Variants in MED27 observed in about 807,000 individuals in gnomAD.
MED27 encodes mediator of RNA polymerase II transcription subunit 27.
In MED27, 30 loss-of-function variants were observed where a neutral mutation model predicts 38.2. That is an observed-to-expected ratio of 0.79 (90% CI 0.59 to 1.07). The LOEUF (loss-of-function observed/expected upper bound fraction) is 1.07. Ranked by LOEUF, MED27 falls within the 50% of genes least tolerant of loss-of-function variation. MED27 has a pLI of 0.00. For missense variants in MED27, 289 were observed against 397.5 expected (o/e 0.73, Z 2.32); for synonymous variants, 122 against 153.5 (o/e 0.79, Z 1.52).
At chr9:131,900,231 C>G (rs921974815) in intron 4 of MED27, among the ~76,000 whole-genome samples, 7 of 152,336 alleles carry the variant, frequency 4.6e-5, no homozygotes, top group Middle Eastern at 3.4e-3. Flanking sequence ...CCTAGCCCCC[C>G]CATCAGGTCA....
chr9:131,886,638 G>A (rs1262377109), intron 5 of MED27, among the ~76,000 whole-genome samples: 1 of 152,190 alleles, frequency 6.6e-6, no homozygotes, highest in Non-Finnish European at 1.5e-5. Flanking sequence ...AATTTGCAAG[G>A]GGAAAAGTGA....
intron 3 of MED27, among the ~76,000 whole-genome samples, chr9:131,967,106 T>C (rs1266543031): frequency 6.6e-6 from 1 of 152,270 alleles, no homozygotes; most frequent in Non-Finnish European, 1.5e-5. Flanking sequence ...GTAGCTATCA[T>C]TAATGTTCTA....
At chr9:131,958,450 G>A (rs1304206583) in intron 3 of MED27, among the ~76,000 whole-genome samples, 1 of 152,164 alleles carries the variant, frequency 6.6e-6, no homozygotes, top group Non-Finnish European at 1.5e-5. Context: ...GTTTCACTAT[G>A]TTGGTCAGGC....
intron 2 of MED27, 125 bp from the exon 3 acceptor site, chr9:132,014,592 C>G: frequency 1.1e-6 from 1 of 894,722 alleles, no homozygotes; most frequent in Non-Finnish European, 1.6e-6. Flanking sequence ...ACTTCAAATA[C>G]AACTGCTCAC....
At chr9:131,973,995 G>A (rs1004374737) in intron 3 of MED27, among the ~76,000 whole-genome samples, 1 of 151,944 alleles carries the variant, frequency 6.6e-6, no homozygotes. Context: ...TTACAGGCGT[G>A]AGCCACCGTG....
intron 2 of MED27, among the ~76,000 whole-genome samples, chr9:132,033,361 A>G (rs1833004861): frequency 6.6e-6 from 1 of 152,018 alleles, no homozygotes; most frequent in Non-Finnish European, 1.5e-5. Flanking sequence ...TTTCACTTAC[A>G]CTCCATACTG....
chr9:131,905,413 C>T (rs529297729), intron 4 of MED27, among the ~76,000 whole-genome samples: 2 of 152,332 alleles, frequency 1.3e-5, no homozygotes, highest in African/African-American at 2.4e-5. Context: ...CTCACTGAAA[C>T]TACCTGCCAC....
At chr9:131,964,054 G>A (rs1233710669) in intron 3 of MED27, among the ~76,000 whole-genome samples, 5 of 152,116 alleles carry the variant, frequency 3.3e-5, no homozygotes, top group African/African-American at 1.2e-4. Flanking sequence ...ATTGTGAGGA[G>A]AGTGGAGAAG....
intron 4 of MED27, among the ~76,000 whole-genome samples, chr9:131,926,920 T>C (rs1462379709): frequency 6.6e-6 from 1 of 152,210 alleles, no homozygotes; most frequent in African/African-American, 2.4e-5. Context: ...GGTTGAAGCT[T>C]TTTTCTTTTC....
At chr9:131,905,726 AACAGAAAAAG>A (rs1830048169) in intron 4 of MED27, among the ~76,000 whole-genome samples, 1 of 36,492 alleles carries the variant, frequency 2.7e-5, no homozygotes, top group Non-Finnish European at 6.5e-5. Flanking sequence ...AAAAAAAAAA[AACAGAAAAAG>A]AAAAAGAAAA....
chr9:132,045,463 C>T (rs1252500048), intron 2 of MED27, among the ~76,000 whole-genome samples: 1 of 150,336 alleles, frequency 6.7e-6, no homozygotes, highest in East Asian at 2.0e-4. Context: ...CAGACACACA[C>T]CTTTTACATG....
intron 3 of MED27, among the ~76,000 whole-genome samples, chr9:131,994,384 C>T (rs903471850): frequency 6.6e-6 from 1 of 152,206 alleles, no homozygotes; most frequent in Non-Finnish European, 1.5e-5. Context: ...TCCCCCACCC[C>T]CAATACTGCA....
intron 3 of MED27, among the ~76,000 whole-genome samples, chr9:131,984,781 A>T (rs922975288): frequency 6.6e-6 from 1 of 152,144 alleles, no homozygotes; most frequent in Admixed American, 6.5e-5. Flanking sequence ...GCGCTTCCTG[A>T]CATTTATACA....
chr9:131,900,034 T>C (rs1829908925), intron 4 of MED27, among the ~76,000 whole-genome samples: 1 of 152,234 alleles, frequency 6.6e-6, no homozygotes, highest in African/African-American at 2.4e-5. Flanking sequence ...AGCTTGCTGT[T>C]GCCAAGGTAA....
At chr9:131,964,372 T>TCG (rs1491098014) in intron 3 of MED27, among the ~76,000 whole-genome samples, 1 of 76,298 alleles carries the variant, frequency 1.3e-5, no homozygotes, top group Non-Finnish European at 2.9e-5. Context: ...GTGATGGTAG[T>TCG]AGTGATGGTG....
At chr9:131,977,475 G>A (rs568691588) in intron 3 of MED27, among the ~76,000 whole-genome samples, 8 of 152,108 alleles carry the variant, frequency 5.3e-5, no homozygotes, top group Non-Finnish European at 1.2e-4. Context: ...CATCGTTAGG[G>A]CAATCTGATT....
At position 131,970,588 on chromosome 9, in the gene MED27, T is replaced by G. The variant is rs150500820; in HGVS notation, c.480-31114A>C. 3.6e-3 allele frequency among the ~76,000 whole-genome samples: 546 copies of G among 152,210 alleles called. 3 individuals carry two copies. Among genetic ancestry groups the G allele is most frequent in the African/African-American group, 0.012 (515 of 41,518 alleles). On this transcript the variant is annotated intron_variant, in intron 3 of 7. Transcript: ENST00000292035. ...TATTTCAAACTGAGCTGAAAGAAAT[T>G]AAGGAAACAACTAACTGCTGCTTTG... is the stretch of plus-strand genomic sequence containing the variant.
intron 4 of MED27, among the ~76,000 whole-genome samples, chr9:131,898,217 A>G (rs1829866985): frequency 6.8e-6 from 1 of 147,934 alleles, no homozygotes. Flanking sequence ...ATAAAGCTCT[A>G]TGAAGTTTGT....
chr9:132,039,405 G>C (rs572024077), intron 2 of MED27, among the ~76,000 whole-genome samples: 1 of 152,248 alleles, frequency 6.6e-6, no homozygotes, highest in South Asian at 2.1e-4. Context: ...GCTCTTGTGG[G>C]GACTAGATGT....
Sources: gnomAD v4.1 joint callset for allele counts (sites outside exome capture counted in the v4.1 genomes callset) on GRCh38, gnomAD v4.1.1 for gene constraint, MANE v1.5 for transcripts, NCBI Gene and HGNC (gene_info 2026-07-23, HGNC 2026-07-21) for gene names.